The following ZNF25 variants were observed in gnomAD, a reference collection of about 807,000 sequenced individuals.
The protein encoded by ZNF25 is zinc finger protein 25 (KOX 19).
ZNF25 carries 21 observed loss-of-function variants against 30.9 expected under a neutral mutation model. The observed-to-expected ratio is 0.68, with a 90% CI of 0.48 to 0.98. The LOEUF is 0.98. Among genes scored for constraint, ZNF25 ranks in the 50% least tolerant of loss-of-function variants. ZNF25 has a pLI of 0.00. For missense variants in ZNF25, 501 were observed against 529.9 expected (o/e 0.95, Z 0.54); for synonymous variants, 169 against 181.3 (o/e 0.93, Z 0.55).
chr10:37,976,474 G>A (rs1053563374), intron 1 of ZNF25, 32 bp downstream of exon 1: 2 of 152,380 alleles, frequency 1.3e-5, no homozygotes, highest in Middle Eastern at 3.4e-3. Context: ...CGCCTCCCAG[G>A]CCCTGCCCGC....
chr10:37,969,336 T>C (rs2063358934), intron 2 of ZNF25, among the ~76,000 whole-genome samples: 1 of 152,228 alleles, frequency 6.6e-6, no homozygotes, highest in Non-Finnish European at 1.5e-5. Flanking sequence ...ATAACAGCAT[T>C]ATTCATAATA....
intron 2 of ZNF25, among the ~76,000 whole-genome samples, chr10:37,969,295 A>T (rs1411263969): frequency 9.9e-5 from 15 of 152,226 alleles, no homozygotes. Context: ...ATAATTGAAA[A>T]TAGGTATCAA....
intron 4 of ZNF25, among the ~76,000 whole-genome samples, chr10:37,955,633 C>A (rs766781355): frequency 2.4e-4 from 37 of 152,108 alleles, no homozygotes; most frequent in Admixed American, 7.9e-4. Context: ...ATAAAAGGAA[C>A]AGAGCAGAAA....
intron 2 of ZNF25, 105 bp downstream of exon 2, chr10:37,971,603 A>G (rs2063490434): frequency 1.3e-6 from 2 of 1,553,716 alleles, no homozygotes; most frequent in African/African-American, 1.4e-5. Context: ...AATTTAGTAT[A>G]TGGGCTCTCG....
chr10:37,971,759 G>A lies in ZNF25; in HGVS notation c.-37C>T, dbSNP rs2063506185. On this transcript the variant is annotated 5_prime_UTR_variant, in exon 2 of 6. Transcript: ENST00000302609. Reference sequence around the variant, plus strand: ...CTTGGGAAAGGCTGAAAACTGCAAAGCCAGAGCAGAAATCATAAGGGACCT... The same window carrying A: ...CTTGGGAAAGGCTGAAAACTGCAAAACCAGAGCAGAAATCATAAGGGACCT... 1.2e-6 allele frequency: 2 copies of A among 1,613,792 alleles called. No individual in the cohort carries two copies. Among genetic ancestry groups the A allele is most frequent in the Non-Finnish European group, 1.7e-6 (2 of 1,180,014 alleles).
intron 2 of ZNF25, among the ~76,000 whole-genome samples, chr10:37,966,160 T>C (rs1468432177): frequency 6.6e-6 from 1 of 152,182 alleles, no homozygotes; most frequent in African/African-American, 2.4e-5. Context: ...GGCTCACTCC[T>C]GTAATCCCAG....
intron 2 of ZNF25, among the ~76,000 whole-genome samples, chr10:37,959,922 G>A (rs954563036): frequency 6.7e-6 from 1 of 148,964 alleles, no homozygotes; most frequent in African/African-American, 2.5e-5. Context: ...TTTTTTTGTT[G>A]TTGTTGTTTT....
In ZNF25 at chr10:37,952,252, G is replaced by A. The variant is rs763432894; in HGVS notation, c.1246C>T (p.His416Tyr). ...SFSQKSHFIIHQRKHTGEKPY... is the reference protein window; with the variant it reads ...SFSQKSHFIIYQRKHTGEKPY... ...TTCTCCCCTGTGTGTTTTCTCTGAT[G>A]TATAATAAAATGTGACTTCTGAGAA... The change falls in exon 6 of 6, where the codon CAT becomes TAT. Residue 416 changes from histidine (H) to tyrosine (Y), a missense_variant. Coordinates refer to ENST00000302609, the MANE Select transcript of ZNF25 (RefSeq NM_145011.4). 6.2e-7 allele frequency: 1 copy of A among 1,614,018 alleles called. No individual in the cohort carries two copies. Among genetic ancestry groups the A allele is most frequent in the Non-Finnish European group, 8.5e-7 (1 of 1,179,992 alleles).
chr10:37,966,289 C>T (rs1279517384), intron 2 of ZNF25, among the ~76,000 whole-genome samples: 1 of 152,020 alleles, frequency 6.6e-6, no homozygotes, highest in East Asian at 1.9e-4. Flanking sequence ...TGGCATGCAC[C>T]TATAATCCCA....
chr10:37,971,431 T>G (rs975150342), intron 2 of ZNF25, among the ~76,000 whole-genome samples: 1 of 151,908 alleles, frequency 6.6e-6, no homozygotes, highest in Non-Finnish European at 1.5e-5. Context: ...GTATCAACAG[T>G]GTAAAAGGCA....
Position 37,952,599 on chromosome 10 carries a change from T to A in ZNF25, c.899A>T (p.His300Leu). 6.2e-7 allele frequency: 1 copy of A among 1,613,416 alleles called. No individual in the cohort carries two copies. The highest frequency in any genetic ancestry group is 1.1e-5 in the South Asian group (1 of 91,048). ...GTGACTTCTCTGATGAGTTTTGAGGTGTGAATTCCTAGAGAAGAATTTCCC... is the reference window on the plus strand; with the variant it reads ...GTGACTTCTCTGATGAGTTTTGAGGAGTGAATTCCTAGAGAAGAATTTCCC... ...ECGKFFSRNS[H>L]LKTHQRSHTG... Residue 300 changes from histidine (H) to leucine (L), a missense_variant, in exon 6 of 6, where the codon CAC (histidine) becomes CTC (leucine). His to Leu is a moderately conservative substitution (Grantham distance 99). Coordinates refer to ENST00000302609, the MANE Select transcript of ZNF25 (RefSeq NM_145011.4).
chr10:37,954,842 A>G (rs1207125221), intron 4 of ZNF25, among the ~76,000 whole-genome samples: 2 of 152,190 alleles, frequency 1.3e-5, no homozygotes, highest in Non-Finnish European at 2.9e-5. Context: ...ACGTTAACTC[A>G]GGAACACATG....
At chr10:37,976,154 G>C (rs765614710) in intron 1 of ZNF25, among the ~76,000 whole-genome samples, 1 of 152,178 alleles carries the variant, frequency 6.6e-6, no homozygotes, top group Non-Finnish European at 1.5e-5. Context: ...GATGCGCGTC[G>C]AGCCGCACTG....
chr10:37,957,154 T>C, intron 3 of ZNF25, 39 bp from the exon 4 acceptor site: 1 of 1,583,256 alleles, frequency 6.3e-7, no homozygotes, highest in African/African-American at 1.3e-5. Flanking sequence ...TACAAATTGC[T>C]TGGAATTTAG....
intron 2 of ZNF25, among the ~76,000 whole-genome samples, chr10:37,966,778 C>A (rs1030250326): frequency 1.3e-5 from 2 of 152,112 alleles, no homozygotes; most frequent in African/African-American, 4.8e-5. Flanking sequence ...CAAACCATAT[C>A]ACGGAGGAAT....
At chr10:37,966,675 G>T (rs2063207549) in intron 2 of ZNF25, among the ~76,000 whole-genome samples, 1 of 152,140 alleles carries the variant, frequency 6.6e-6, no homozygotes, top group African/African-American at 2.4e-5. Flanking sequence ...CAAGGGGGAA[G>T]TCTGCCCCCA....
chr10:37,974,217 C>T (rs1478963782), intron 1 of ZNF25, among the ~76,000 whole-genome samples: 1 of 151,974 alleles, frequency 6.6e-6, no homozygotes, highest in African/African-American at 2.4e-5. Flanking sequence ...TTGTTCTCGG[C>T]AAAAATTTTT....
rs368701775 is a variant in ZNF25, at chr10:37,952,458, C to T, written c.1040G>A (p.Cys347Tyr). 1.7e-5 allele frequency: 28 copies of T among 1,613,930 alleles called. No individual in the cohort carries two copies. The highest frequency in any genetic ancestry group is 2.4e-5 in the Non-Finnish European group (28 of 1,179,974). The part of the protein sequence containing the change: ...TGEKPFECNK[C>Y]GKTFYYKSDL... Reference sequence around the variant, plus strand: ...TGATTTATAGTAAAATGTTTTCCCACATTTATTACATTCAAAGGGTTTCTC... The same window carrying T: ...TGATTTATAGTAAAATGTTTTCCCATATTTATTACATTCAAAGGGTTTCTC... Residue 347 changes from cysteine to tyrosine, a missense_variant, in exon 6 of 6, where the codon TGT becomes TAT. Cys to Tyr is a radical substitution (Grantham distance 194, BLOSUM62 -2). Transcript: ENST00000302609.
intron 1 of ZNF25, among the ~76,000 whole-genome samples, chr10:37,972,940 G>A (rs1195072110): frequency 6.6e-6 from 1 of 152,046 alleles, no homozygotes; most frequent in Non-Finnish European, 1.5e-5. Context: ...GGCCAAGGTG[G>A]GTGAATCACC....
Sources: gnomAD v4.1 joint callset for allele counts (sites outside exome capture counted in the v4.1 genomes callset) on GRCh38, gnomAD v4.1.1 for gene constraint, MANE v1.5 for transcripts, NCBI Gene and HGNC (gene_info 2026-07-23, HGNC 2026-07-21) for gene names.